DOCK8: variants seen among roughly 807,000 people sequenced by gnomAD.
DOCK8 encodes dedicator of cytokinesis 8, also known as dedicator of cytokinesis protein 8.
In DOCK8, 141 loss-of-function variants were observed where a neutral mutation model predicts 245.6. That is an observed-to-expected ratio of 0.57 (90% CI 0.50 to 0.66). The LOEUF is 0.66. DOCK8 is among the 30% of genes least tolerant of loss of function. The pLI, the probability that DOCK8 is intolerant of heterozygous loss-of-function variation, is 0.00. For missense variants in DOCK8, 2,965 were observed against 2,603.4 expected (o/e 1.14, Z -3.02); for synonymous variants, 1,168 against 970.2 (o/e 1.20, Z -3.79).
rs188908196 is a variant in DOCK8, at chr9:390,672, G to T, written c.2970+106G>T. The T allele has an allele frequency of 3.8e-4, 415 of 1,093,792 alleles. 4 individuals are homozygous for T. In the African/African-American group the frequency reaches 5.9e-3, roughly 16 times the overall value. 67.8% of individuals were successfully genotyped at this position (1,093,792 alleles called of 1,614,324 possible). ...TGAGTTGCCCCTGCTGAAAACCTGG[G>T]GTGGTTTCTTGAAATCTAATAATCT... is the stretch of plus-strand genomic sequence containing the variant. On this transcript the variant is annotated intron_variant, in intron 24 of 47. Coordinates refer to ENST00000432829, the MANE Select transcript of DOCK8 (RefSeq NM_203447.4).
chr9:218,605 G>A (rs2046816175), intron 1 of DOCK8, among the ~76,000 whole-genome samples: 1 of 152,008 alleles, frequency 6.6e-6, no homozygotes, highest in African/African-American at 2.4e-5. Context: ...TTTTCTTACT[G>A]GAATTTAGTG....
At chr9:269,129 C>T (rs1056330149) in intron 1 of DOCK8, among the ~76,000 whole-genome samples, 3 of 152,138 alleles carry the variant, frequency 2.0e-5, no homozygotes, top group Non-Finnish European at 2.9e-5. Flanking sequence ...TTAATGTATT[C>T]ACAGTCATCA....
intron 23 of DOCK8, among the ~76,000 whole-genome samples, chr9:387,722 C>A (rs1027358432): frequency 6.6e-6 from 1 of 152,198 alleles, no homozygotes; most frequent in Non-Finnish European, 1.5e-5. Flanking sequence ...TATGGTTAGG[C>A]TAAAAACAAA....
At chr9:259,413 T>G (rs1333448138) in intron 1 of DOCK8, among the ~76,000 whole-genome samples, 2 of 152,350 alleles carry the variant, frequency 1.3e-5, no homozygotes, top group Admixed American at 6.5e-5. Context: ...TTTCAAATAA[T>G]GTACTTAGAT....
intron 15 of DOCK8, 65 bp from the exon 16 acceptor site, chr9:370,165 A>G (rs771933436): frequency 4.5e-6 from 6 of 1,345,578 alleles, no homozygotes; most frequent in South Asian, 1.2e-5. Context: ...TGTTGGCCTG[A>G]TGATAGTCAA....
At chr9:432,380 G>A in intron 37 of DOCK8, 56 bp downstream of exon 37, 1 of 1,530,624 alleles carries the variant, frequency 6.5e-7, no homozygotes, top group South Asian at 1.1e-5. Context: ...GCCAACTATT[G>A]TGTATGTATG....
Position 396,750 on chromosome 9 carries a change from C to A in DOCK8, c.2971-35C>A, listed in dbSNP as rs2297078. The A allele has an allele frequency of 0.22, 356,079 of 1,612,762 alleles. 40,382 individuals are homozygous for A. The highest frequency in any genetic ancestry group is 0.25 in the Middle Eastern group (1,526 of 6,056). On this transcript the variant is annotated intron_variant, in intron 24 of 47. Transcript: ENST00000432829. The stretch of plus-strand genomic sequence containing the variant: ...TGCATTGTACAAGCAGGTCACCAAT[C>A]TCCATGTTGACATTTCCTCCATCCC...
intron 30 of DOCK8, among the ~76,000 whole-genome samples, chr9:419,283 G>T (rs558531162): frequency 6.6e-6 from 1 of 152,228 alleles, no homozygotes; most frequent in Non-Finnish European, 1.5e-5. Context: ...TCACCATGAG[G>T]ATTGGGGGGA....
rs1425347030 is a variant in DOCK8, at chr9:464,330, A to C, written c.*111A>C. ...CCCAGGACTGACTGTACACTCCCTG[A>C]TCAGCCAGCACTCTGGAAGCTTTGG... On this transcript the variant is annotated 3_prime_UTR_variant, in exon 48 of 48. Transcript: ENST00000432829. 1.1e-6 allele frequency: 1 copy of C among 910,340 alleles called. No individual in the cohort carries two copies. Among genetic ancestry groups the C allele is most frequent in the Non-Finnish European group, 1.8e-6 (1 of 542,152 alleles). The allele number at this position is 910,340 out of a possible 1,614,324, so 56.4% of individuals were successfully genotyped here.
At chr9:342,167 C>T (rs1381886438) in intron 14 of DOCK8, among the ~76,000 whole-genome samples, 2 of 152,098 alleles carry the variant, frequency 1.3e-5, no homozygotes. Context: ...CCCGCTGCCA[C>T]CCCAGTCCAT....
At chr9:406,700 G>T (rs922014758) in intron 27 of DOCK8, among the ~76,000 whole-genome samples, 1 of 152,026 alleles carries the variant, frequency 6.6e-6, no homozygotes, top group East Asian at 1.9e-4. Flanking sequence ...GACCCGGGGT[G>T]CTTTATTTTC....
chr9:292,998 C>G (rs12337071), intron 4 of DOCK8, among the ~76,000 whole-genome samples: 2 of 152,122 alleles, frequency 1.3e-5, no homozygotes, highest in African/African-American at 4.8e-5. Context: ...GCATCTTGTT[C>G]CCCTAAAAAA....
chr9:425,494 T>C (rs1034671889), intron 33 of DOCK8, among the ~76,000 whole-genome samples: 10 of 131,930 alleles, frequency 7.6e-5, no homozygotes, highest in African/African-American at 2.9e-4. Flanking sequence ...ATTGCGCCAC[T>C]GCACTCTGCA....
At chr9:253,680 T>C (rs2047703242) in intron 1 of DOCK8, among the ~76,000 whole-genome samples, 1 of 152,218 alleles carries the variant, frequency 6.6e-6, no homozygotes, top group Non-Finnish European at 1.5e-5. Flanking sequence ...CCAAAAGCCT[T>C]GTCCCAGAAA....
intron 46 of DOCK8, chr9:456,981 A>T (rs897248218): frequency 9.7e-6 from 1 of 102,938 alleles, no homozygotes; most frequent in Non-Finnish European, 1.9e-5. Flanking sequence ...GTTCTGCAGC[A>T]TATATGTGGT....
At chr9:389,103 A>G (rs1485052374) in intron 23 of DOCK8, among the ~76,000 whole-genome samples, 1 of 152,208 alleles carries the variant, frequency 6.6e-6, no homozygotes, top group Non-Finnish European at 1.5e-5. Context: ...GGCATTAATT[A>G]GGGTGACCAA....
intron 7 of DOCK8, among the ~76,000 whole-genome samples, chr9:317,589 G>A (rs76850827): frequency 0.014 from 2,124 of 152,226 alleles, 50 homozygotes; most frequent in African/African-American, 0.048. Context: ...CTCAGCACCC[G>A]GAGATTATTT....
At chr9:297,309 C>T (rs183427868) in intron 4 of DOCK8, among the ~76,000 whole-genome samples, 103 of 152,298 alleles carry the variant, frequency 6.8e-4, no homozygotes, top group African/African-American at 2.5e-3. Flanking sequence ...AAGGAGCCAG[C>T]GTCTGCACCC....
chr9:337,920 G>A (rs2051393239), intron 12 of DOCK8, among the ~76,000 whole-genome samples: 1 of 152,176 alleles, frequency 6.6e-6, no homozygotes, highest in South Asian at 2.1e-4. Context: ...CTGGGAGGCC[G>A]AGGCAGGTGG....
Sources: allele counts gnomAD v4.1 joint callset (sites outside exome capture counted in the v4.1 genomes callset), GRCh38; gene constraint gnomAD v4.1.1; transcripts MANE v1.5; gene names NCBI Gene and HGNC (gene_info 2026-07-23, HGNC 2026-07-21).